COL13A1: variants seen among roughly 807,000 people sequenced by gnomAD.
The protein encoded by COL13A1 is collagen type XIII alpha 1 chain.
A neutral mutation model predicts 130.9 loss-of-function variants in COL13A1; 89 were observed. That is an observed-to-expected ratio of 0.68 (90% CI 0.57 to 0.81). COL13A1 has a LOEUF of 0.81. Ranked by LOEUF, COL13A1 falls within the 30% of genes least tolerant of loss-of-function variation. COL13A1 has a pLI of 0.00. For missense variants in COL13A1, 879 were observed against 934.6 expected (o/e 0.94, Z 0.78); for synonymous variants, 402 against 341.6 (o/e 1.18, Z -1.95).
At position 69,928,826 on chromosome 10, in the gene COL13A1, G is replaced by T. The variant is rs139304121; in HGVS notation, c.1423-111G>T. ...AAATGCATCTCTATCACTGGAGAAA[G>T]GTCTGTAAACAACTTATCTGTACAA... On this transcript the variant is annotated intron_variant, in intron 27 of 40. Transcript: ENST00000645393. The T allele has an allele frequency of 1.2e-3, 845 of 687,914 alleles. 3 individuals carry two copies. Among genetic ancestry groups the T allele is most frequent in the African/African-American group, 0.012 (670 of 55,224 alleles). The allele number at this position is 687,914 out of a possible 1,614,324, so 42.6% of individuals were successfully genotyped here.
intron 27 of COL13A1, 23 bp from the exon 28 acceptor site, chr10:69,928,914 T>G: frequency 6.3e-7 from 1 of 1,597,518 alleles, no homozygotes; most frequent in Non-Finnish European, 8.6e-7. Flanking sequence ...AGTTCTTCCA[T>G]GTGTCTTTCC....
At position 69,867,825 on chromosome 10, in the gene COL13A1, G is replaced by A. The variant is rs1207157506; in HGVS notation, c.372+20G>A. ...CCTCCTGTAAGTACTCAAGCCGAGG[G>A]TCTCGTGCATCTGAAAGGCCTGTGT... On this transcript the variant is annotated intron_variant, in intron 3 of 40. Transcript: ENST00000645393. 8 of 718,294 alleles carry A rather than the reference G, an allele frequency of 1.1e-5. No individual in the cohort carries two copies. The highest frequency in any genetic ancestry group is 4.0e-5 in the Admixed American group (2 of 49,978). The allele number at this position is 718,294 out of a possible 1,614,324, so 44.5% of individuals were successfully genotyped here.
intron 2 of COL13A1, among the ~76,000 whole-genome samples, chr10:69,854,072 C>G (rs1855727520): frequency 6.6e-6 from 1 of 152,248 alleles, no homozygotes; most frequent in Non-Finnish European, 1.5e-5. Context: ...CAGATGCATC[C>G]AGTTCCTGGA....
chr10:69,881,901 T>C (rs1468490428), intron 7 of COL13A1, among the ~76,000 whole-genome samples: 1 of 152,240 alleles, frequency 6.6e-6, no homozygotes, highest in Non-Finnish European at 1.5e-5. Context: ...GGCACGTGGC[T>C]ACACTGGTAG....
chr10:69,920,873 C>T (rs2064569870), intron 21 of COL13A1, among the ~76,000 whole-genome samples: 1 of 152,174 alleles, frequency 6.6e-6, no homozygotes, highest in Non-Finnish European at 1.5e-5. Flanking sequence ...AGGGGTTGGC[C>T]ACCAGTCACG....
intron 10 of COL13A1, among the ~76,000 whole-genome samples, chr10:69,893,014 G>A (rs2061331548): frequency 6.6e-6 from 1 of 152,156 alleles, no homozygotes; most frequent in Non-Finnish European, 1.5e-5. Context: ...TCTGGGCCCG[G>A]GTTCCCTGCC....
chr10:69,843,417 C>T (rs10762315), intron 2 of COL13A1, among the ~76,000 whole-genome samples: 59,469 of 151,938 alleles, frequency 0.39, 11,885 homozygotes, highest in East Asian at 0.52. Flanking sequence ...TTCATCTACA[C>T]TGCGGTGTCC....
intron 10 of COL13A1, among the ~76,000 whole-genome samples, chr10:69,892,142 C>T (rs757201089): frequency 4.6e-5 from 7 of 152,214 alleles, no homozygotes; most frequent in Non-Finnish European, 8.8e-5. Context: ...CCCTGTCTGC[C>T]TCATCAAATC....
At position 69,898,830 on chromosome 10, in the gene COL13A1, G is replaced by A. The variant is rs1589384713; in HGVS notation, c.750+68G>A. The A allele has an allele frequency of 1.0e-5, 13 of 1,264,798 alleles. No homozygotes were observed. In the East Asian group the frequency reaches 2.6e-4, roughly 25 times the overall value. The allele number at this position is 1,264,798 out of a possible 1,614,324, so 78.3% of individuals were successfully genotyped here. On this transcript the variant is annotated intron_variant, in intron 14 of 40. Transcript: ENST00000645393. ...GGGGCCCGGCAAGCCTGCTGGGGCTGCAGACAAAGCCAGAACCTCTCTCTA... is the reference window on the plus strand; with the variant it reads ...GGGGCCCGGCAAGCCTGCTGGGGCTACAGACAAAGCCAGAACCTCTCTCTA...
intron 32 of COL13A1, among the ~76,000 whole-genome samples, chr10:69,936,165 GAA>G (rs2066879188): frequency 2.0e-4 from 6 of 30,032 alleles, no homozygotes; most frequent in African/African-American, 6.8e-4. Context: ...AGGAAGGAAG[GAA>G]GGAAGGAAGG....
At chr10:69,933,053 G>C (rs10999029) in intron 31 of COL13A1, among the ~76,000 whole-genome samples, 5 of 142,634 alleles carry the variant, frequency 3.5e-5, no homozygotes, top group Non-Finnish European at 7.5e-5. Flanking sequence ...GGAGAATCAC[G>C]TGAACCCAGG....
intron 12 of COL13A1, 40 bp from the exon 13 acceptor site, chr10:69,895,510 A>C: frequency 6.2e-7 from 1 of 1,612,800 alleles, no homozygotes; most frequent in Non-Finnish European, 8.5e-7. Flanking sequence ...TACCCCCAAC[A>C]AGTGCCTAAC....
intron 10 of COL13A1, 24 bp from the exon 11 acceptor site, chr10:69,894,528 C>A (rs368896071): frequency 8.1e-6 from 13 of 1,613,472 alleles, no homozygotes; most frequent in Non-Finnish European, 1.0e-5. Context: ...TGCCCACTGA[C>A]CTGTGTGTGT....
chr10:69,937,688 A>G lies in COL13A1; in HGVS notation c.1851A>G (p.Lys617=). ...GAGAGAAAGGCTTCCAGGGAGAAAA[A>G]GGAGACCGTGGTCCCCTGGGACTAC... ...AKGEKGFQGE[K]GDRGPLGLPG... is the part of the protein sequence containing the mutation. The change falls in exon 34 of 41, where the codon AAA becomes AAG. Residue 617 remains lysine, a synonymous_variant. Coordinates refer to ENST00000645393, the MANE Select transcript of COL13A1 (RefSeq NM_001368882.1). 1.3e-6 allele frequency: 2 copies of G among 1,581,774 alleles called. No individual in the cohort carries two copies. Among genetic ancestry groups the G allele is most frequent in the Non-Finnish European group, 1.7e-6 (2 of 1,150,572 alleles).
chr10:69,948,080 C>CT (rs2068815697), intron 38 of COL13A1, among the ~76,000 whole-genome samples: 1 of 152,210 alleles, frequency 6.6e-6, no homozygotes, highest in South Asian at 2.1e-4. Context: ...ATGGGGCTTC[C>CT]TGGAGTGGGG....
At position 69,957,030 on chromosome 10, in the gene COL13A1, C is replaced by G. The variant is rs1184794338; in HGVS notation, c.2172C>G (p.Gly724=). The change falls in exon 40 of 41, where the codon GGC becomes GGG. Residue 724 remains glycine (G), a synonymous_variant. Coordinates refer to ENST00000645393, the MANE Select transcript of COL13A1 (RefSeq NM_001368882.1). The part of the protein sequence containing the change: ...PLGEDGLPVQ[G]CWNK Reference sequence around the variant, plus strand: ...GCGAAGATGGCTTACCAGTCCAAGGCTGCTGGAACAAGGTAAGGCTTCCCA... The same window carrying G: ...GCGAAGATGGCTTACCAGTCCAAGGGTGCTGGAACAAGGTAAGGCTTCCCA... 5 of 1,613,648 alleles carry G rather than the reference C, an allele frequency of 3.1e-6. No homozygotes were observed. The highest frequency in any genetic ancestry group is 2.5e-6 in the Non-Finnish European group (3 of 1,179,696).
At chr10:69,920,307 A>G (rs1317376251) in intron 21 of COL13A1, among the ~76,000 whole-genome samples, 1 of 152,182 alleles carries the variant, frequency 6.6e-6, no homozygotes, top group East Asian at 1.9e-4. Flanking sequence ...ATTATTACAC[A>G]TGAGAACTGC....
rs570018207 is a variant in COL13A1, at chr10:69,834,540, A to G, written c.364+12102A>G. Among the ~76,000 whole-genome samples, 18 of 152,326 alleles carry G rather than the reference A, an allele frequency of 1.2e-4. No individual in the cohort carries two copies. In the East Asian group the frequency reaches 3.5e-3, roughly 29 times the overall value. ...ACCTTGGGCCTTGTGCTTTAAATAC[A>G]ATATCACTTACATTCTGATCAAGCA... On this transcript the variant is annotated intron_variant, in intron 2 of 40. Coordinates refer to ENST00000645393, the MANE Select transcript of COL13A1 (RefSeq NM_001368882.1).
intron 1 of COL13A1, among the ~76,000 whole-genome samples, chr10:69,816,645 G>A (rs539959372): frequency 6.6e-6 from 1 of 152,264 alleles, no homozygotes; most frequent in Non-Finnish European, 1.5e-5. Flanking sequence ...AAGACTGAGA[G>A]GGCACAGCCA....
Sources: allele counts gnomAD v4.1 joint callset (sites outside exome capture counted in the v4.1 genomes callset), GRCh38; gene constraint gnomAD v4.1.1; transcripts MANE v1.5; gene names NCBI Gene and HGNC (gene_info 2026-07-23, HGNC 2026-07-21).